The following PEX5L variants were observed in gnomAD, a reference collection of about 807,000 sequenced individuals.
PEX5L encodes the protein PEX5-related protein.
A neutral mutation model predicts 84.0 loss-of-function variants in PEX5L; 30 were observed. The observed-to-expected ratio is 0.36, with a 90% CI of 0.27 to 0.48. The LOEUF (loss-of-function observed/expected upper bound fraction) is 0.48. Ranked by LOEUF, PEX5L falls within the 20% of genes least tolerant of loss-of-function variation. PEX5L has a pLI of 0.99. For missense variants in PEX5L, 533 were observed against 754.6 expected, an observed-to-expected ratio of 0.71 and a Z score of 3.44; for synonymous variants, 270 against 283.1, an observed-to-expected ratio of 0.95 and a Z score of 0.46.
chr3:179,876,756 C>T (rs1752562064), intron 5 of PEX5L, among the ~76,000 whole-genome samples: 2 of 152,114 alleles, frequency 1.3e-5, no homozygotes, highest in South Asian at 4.2e-4. Context: ...ACCCTGGTAA[C>T]TTTTATTCTA....
intron 8 of PEX5L, among the ~76,000 whole-genome samples, chr3:179,824,313 T>C (rs573440866): frequency 2.0e-5 from 3 of 152,182 alleles, no homozygotes; most frequent in Non-Finnish European, 4.4e-5. Context: ...TGGATTTCTT[T>C]TTGCCTCTTT....
At chr3:179,853,091 C>G (rs951763892) in intron 8 of PEX5L, among the ~76,000 whole-genome samples, 1 of 152,062 alleles carries the variant, frequency 6.6e-6, no homozygotes, top group Admixed American at 6.6e-5. Context: ...TATGGGAGAT[C>G]GACATGAAAC....
intron 7 of PEX5L, among the ~76,000 whole-genome samples, chr3:179,862,589 T>G (rs568369466): frequency 3.3e-5 from 5 of 152,338 alleles, no homozygotes; most frequent in African/African-American, 1.2e-4. Flanking sequence ...TGGAACCAAC[T>G]CTATTGTCTT....
At chr3:179,972,609 C>A (rs977062773) in intron 1 of PEX5L, among the ~76,000 whole-genome samples, 2 of 152,098 alleles carry the variant, frequency 1.3e-5, no homozygotes, top group Non-Finnish European at 2.9e-5. Context: ...ACTACATCAA[C>A]TTGAATTAAG....
chr3:179,855,162 GAA>G (rs1245375270), intron 8 of PEX5L, among the ~76,000 whole-genome samples: 4 of 152,164 alleles, frequency 2.6e-5, no homozygotes, highest in Non-Finnish European at 5.9e-5. Context: ...AGAAGAAGAA[GAA>G]AGAGTGGAGA....
chr3:179,948,920 TCAGTATATCTA>T (rs1270041086), intron 2 of PEX5L, among the ~76,000 whole-genome samples: 16 of 152,336 alleles, frequency 1.1e-4, no homozygotes, highest in Non-Finnish European at 1.9e-4. Flanking sequence ...ACACAAGCAA[TCAGTATATCTA>T]CATTCGTGCA....
chr3:179,819,835 C>T (rs770786487), intron 9 of PEX5L, 25 bp downstream of exon 9: 38 of 1,605,388 alleles, frequency 2.4e-5, no homozygotes. Context: ...AAGTAGTCAG[C>T]ATGTATAGGA....
intron 1 of PEX5L, among the ~76,000 whole-genome samples, chr3:179,992,886 C>G (rs66554753): frequency 0.13 from 20,143 of 151,640 alleles, 1,519 homozygotes; most frequent in African/African-American, 0.21. Flanking sequence ...ATGTATGTGT[C>G]TATGTATGTA....
rs376702590 is a variant in PEX5L, at chr3:179,842,038, C to T, written c.822+17024G>A. Among the ~76,000 whole-genome samples the T allele has an allele frequency of 3.3e-5, 5 of 152,304 alleles. No individual in the cohort carries two copies. In the East Asian group the frequency reaches 5.8e-4, roughly 18 times the overall value. On this transcript the variant is annotated intron_variant, in intron 8 of 14. Coordinates refer to ENST00000467460, the MANE Select transcript of PEX5L (RefSeq NM_016559.3). ...ATGCTCCTGTTCCTTTGAAAATACT[C>T]CAAAGGTCCTGTAAAAATCATGAAG...
At chr3:179,918,904 T>A (rs182214600) in intron 2 of PEX5L, among the ~76,000 whole-genome samples, 5 of 152,240 alleles carry the variant, frequency 3.3e-5, no homozygotes, top group Non-Finnish European at 5.9e-5. Flanking sequence ...AAGAAAAGGG[T>A]TCTTACGGAA....
chr3:180,035,105 G>T (rs911783029), intron 1 of PEX5L, among the ~76,000 whole-genome samples: 37 of 152,168 alleles, frequency 2.4e-4, no homozygotes, highest in African/African-American at 8.7e-4. Context: ...TTGTGTAAAT[G>T]AACAATTTTT....
chr3:179,970,979 T>C (rs954200029), intron 2 of PEX5L, among the ~76,000 whole-genome samples: 2 of 152,148 alleles, frequency 1.3e-5, no homozygotes, highest in Non-Finnish European at 2.9e-5. Flanking sequence ...TTACCTGGTA[T>C]GTCATTGTTT....
At chr3:179,831,167 T>G (rs1732727801) in intron 8 of PEX5L, among the ~76,000 whole-genome samples, 1 of 151,892 alleles carries the variant, frequency 6.6e-6, no homozygotes. Context: ...ATACAAAAAT[T>G]AGCCGGGCAT....
chr3:179,913,211 A>G (rs1765784270), intron 2 of PEX5L, among the ~76,000 whole-genome samples: 1 of 152,120 alleles, frequency 6.6e-6, no homozygotes. Context: ...TTAATTTCTT[A>G]TACTTAACAG....
intron 7 of PEX5L, among the ~76,000 whole-genome samples, chr3:179,861,150 T>C (rs934654288): frequency 2.0e-5 from 3 of 152,268 alleles, no homozygotes; most frequent in South Asian, 4.1e-4. Flanking sequence ...GGAATACTTC[T>C]GTATCCTCAG....
In PEX5L at chr3:179,801,765, G is replaced by C; in HGVS notation, c.*63C>G. 9.4e-7 allele frequency: 1 copy of C among 1,061,136 alleles called. No homozygotes were observed. The highest frequency in any genetic ancestry group is 1.5e-6 in the Non-Finnish European group (1 of 681,002). The allele number at this position is 1,061,136 out of a possible 1,614,324, so 65.7% of individuals were successfully genotyped here. A position where few individuals can be genotyped will look rare whatever the true frequency, so the allele number is the denominator to read the frequency against. On this transcript the variant is annotated 3_prime_UTR_variant, in exon 15 of 15. Transcript: ENST00000467460. ...TCCTTTTGAAATTCATAATAAAATA[G>C]TTTTTGATTTTTCAGTACAATCACA...
intron 1 of PEX5L, among the ~76,000 whole-genome samples, chr3:180,013,917 T>G (rs1202037073): frequency 6.6e-6 from 1 of 152,228 alleles, no homozygotes; most frequent in Non-Finnish European, 1.5e-5. Context: ...CAAATTTTAA[T>G]TTTTTCATTG....
intron 3 of PEX5L, among the ~76,000 whole-genome samples, chr3:179,889,982 C>T (rs898906739): frequency 2.6e-5 from 4 of 152,092 alleles, no homozygotes; most frequent in Non-Finnish European, 4.4e-5. Context: ...ATCAGTGATC[C>T]GGTGAGCTCA....
At chr3:179,807,881 CAG>C in intron 13 of PEX5L, 50 bp from the exon 14 acceptor site, 1 of 1,512,558 alleles carries the variant, frequency 6.6e-7, no homozygotes, top group East Asian at 2.3e-5. Context: ...GGCACAATGA[CAG>C]AGCATTCCTG....
Sources: gnomAD v4.1 joint callset for allele counts (sites outside exome capture counted in the v4.1 genomes callset) on GRCh38, gnomAD v4.1.1 for gene constraint, MANE v1.5 for transcripts, NCBI Gene and HGNC (gene_info 2026-07-23, HGNC 2026-07-21) for gene names.